Variants in ARHGAP24 observed in about 807,000 individuals in gnomAD.
The protein encoded by ARHGAP24 is Rho GTPase activating protein 24.
Under a neutral mutation model 76.4 loss-of-function variants are expected in ARHGAP24, and 50 were observed. That is an observed-to-expected ratio of 0.65 (90% CI 0.52 to 0.83). The LOEUF (loss-of-function observed/expected upper bound fraction) is 0.83, where lower values mean the gene tolerates loss of function less well. Ranked by LOEUF, ARHGAP24 falls within the 40% of genes least tolerant of loss-of-function variation. The probability of loss-of-function intolerance (pLI) is 0.00; values close to 1 mark genes in which losing one functional copy is unlikely to be tolerated. For missense variants in ARHGAP24, 930 were observed against 914.2 expected (o/e 1.02, Z -0.22); for synonymous variants, 345 against 323.3 (o/e 1.07, Z -0.72).
At chr4:85,948,739 G>T (rs982782396) in intron 5 of ARHGAP24, among the ~76,000 whole-genome samples, 2 of 152,174 alleles carry the variant, frequency 1.3e-5, no homozygotes, top group African/African-American at 4.8e-5. Flanking sequence ...TCTGTGAGGT[G>T]CTGGGTCTTT....
At chr4:85,776,121 C>A (rs1040571430) in intron 3 of ARHGAP24, among the ~76,000 whole-genome samples, 2 of 152,070 alleles carry the variant, frequency 1.3e-5, no homozygotes, top group Non-Finnish European at 2.9e-5. Flanking sequence ...GCTGTTCATG[C>A]AGTCACTACC....
chr4:85,784,965 ATCTC>A (rs1451600941), intron 3 of ARHGAP24, among the ~76,000 whole-genome samples: 3 of 141,598 alleles, frequency 2.1e-5, no homozygotes, highest in African/African-American at 7.7e-5. Flanking sequence ...CTATCTCTCT[ATCTC>A]TCTATCTGCT....
At chr4:85,887,270 G>C (rs987132338) in intron 3 of ARHGAP24, among the ~76,000 whole-genome samples, 1 of 152,040 alleles carries the variant, frequency 6.6e-6, no homozygotes, top group Non-Finnish European at 1.5e-5. Context: ...TTAATTAAAA[G>C]ATTCTTTGCT....
intron 8 of ARHGAP24, among the ~76,000 whole-genome samples, chr4:85,989,374 G>A (rs1740191023): frequency 6.6e-6 from 1 of 151,510 alleles, no homozygotes; most frequent in Non-Finnish European, 1.5e-5. Context: ...GACTAGTAAA[G>A]CAATTGAATT....
At chr4:85,900,956 T>C (rs920313154) in intron 3 of ARHGAP24, among the ~76,000 whole-genome samples, 1 of 152,232 alleles carries the variant, frequency 6.6e-6, no homozygotes, top group African/African-American at 2.4e-5. Flanking sequence ...GATGCTGTCT[T>C]AGTCACCATA....
intron 3 of ARHGAP24, among the ~76,000 whole-genome samples, chr4:85,919,359 G>A (rs913816814): frequency 3.3e-5 from 5 of 152,142 alleles, no homozygotes; most frequent in Admixed American, 2.6e-4. Flanking sequence ...TTATGCATTA[G>A]AACAGATGGC....
At chr4:85,504,548 CT>C (rs1723958823) in intron 1 of ARHGAP24, among the ~76,000 whole-genome samples, 1 of 151,982 alleles carries the variant, frequency 6.6e-6, no homozygotes, top group African/African-American at 2.4e-5. Context: ...CAACCCCTGC[CT>C]TTTTTTGTTT....
intron 3 of ARHGAP24, among the ~76,000 whole-genome samples, chr4:85,823,849 TCCCTCCCCTC>T (rs1031932060): frequency 1.1e-4 from 16 of 143,988 alleles, no homozygotes; most frequent in Non-Finnish European, 2.0e-4. Context: ...CTCCCTCCCT[TCCCTCCCCTC>T]CCCTCCCCTC....
chr4:85,980,742 A>G (rs1739610447), intron 8 of ARHGAP24, among the ~76,000 whole-genome samples: 1 of 152,188 alleles, frequency 6.6e-6, no homozygotes, highest in African/African-American at 2.4e-5. Context: ...ATATTCAGAT[A>G]ACTGGGGGCC....
intron 2 of ARHGAP24, among the ~76,000 whole-genome samples, chr4:85,694,447 C>T (rs777775136): frequency 4.6e-5 from 7 of 151,982 alleles, no homozygotes; most frequent in Non-Finnish European, 1.0e-4. Flanking sequence ...CTATTCACCA[C>T]GGTATACCAA....
intron 1 of ARHGAP24, among the ~76,000 whole-genome samples, chr4:85,538,525 C>T (rs758652261): frequency 6.6e-6 from 1 of 152,128 alleles, no homozygotes; most frequent in Non-Finnish European, 1.5e-5. Flanking sequence ...CTCTGTAAGA[C>T]ACAGGATGGT....
intron 8 of ARHGAP24, among the ~76,000 whole-genome samples, chr4:85,981,501 C>T (rs908362705): frequency 3.9e-5 from 6 of 152,124 alleles, no homozygotes; most frequent in African/African-American, 1.2e-4. Context: ...TTCCAAATGA[C>T]ATGTTGTCAC....
intron 1 of ARHGAP24, among the ~76,000 whole-genome samples, chr4:85,519,548 A>G (rs1724655393): frequency 6.6e-6 from 1 of 152,168 alleles, no homozygotes; most frequent in Admixed American, 6.6e-5. Flanking sequence ...ATCATTTATA[A>G]TTTTATTGGA....
chr4:85,792,919 A>G (rs1205133625), intron 3 of ARHGAP24, among the ~76,000 whole-genome samples: 1 of 152,212 alleles, frequency 6.6e-6, no homozygotes, highest in Non-Finnish European at 1.5e-5. Context: ...ATGTCACTGT[A>G]TGCAGAGAAT....
At chr4:85,570,400 TTCTTTCTTTCTTTCTTTCCTCTC>T in intron 1 of ARHGAP24, 99 bp from the exon 2 acceptor site, 2 of 354,874 alleles carry the variant, frequency 5.6e-6, no homozygotes, top group Non-Finnish European at 9.2e-6. Context: ...CTTTCTTTCT[TTCTTTCTTTCTTTCTTTCCTCTC>T]TCTCTCTCTT....
chr4:85,990,085 G>A (rs1251314747), intron 8 of ARHGAP24: 2 of 151,540 alleles, frequency 1.3e-5, no homozygotes, highest in East Asian at 1.9e-4. Context: ...TAACTAATAC[G>A]CAAATATATA....
intron 3 of ARHGAP24, among the ~76,000 whole-genome samples, chr4:85,920,886 T>A (rs1735683129): frequency 6.6e-6 from 1 of 152,194 alleles, no homozygotes; most frequent in Non-Finnish European, 1.5e-5. Flanking sequence ...TAACAAATGC[T>A]GGCAAGGTTG....
At chr4:85,597,749 T>A (rs1282649778) in intron 2 of ARHGAP24, among the ~76,000 whole-genome samples, 3 of 152,090 alleles carry the variant, frequency 2.0e-5, no homozygotes, top group African/African-American at 7.2e-5. Context: ...TGTAAATACC[T>A]TGATATTTCC....
chr4:85,959,917 AC>A (rs761071503), intron 5 of ARHGAP24, among the ~76,000 whole-genome samples: 17 of 152,052 alleles, frequency 1.1e-4, no homozygotes, highest in Non-Finnish European at 2.4e-4. Flanking sequence ...GTGATGTTCA[AC>A]CTTTTTTTCA....
Sources: gnomAD v4.1 joint callset for allele counts (sites outside exome capture counted in the v4.1 genomes callset) on GRCh38, gnomAD v4.1.1 for gene constraint, MANE v1.5 for transcripts, NCBI Gene and HGNC (gene_info 2026-07-23, HGNC 2026-07-21) for gene names.